Variants in ATP8B4 observed in about 807,000 individuals in gnomAD.
ATP8B4 encodes probable phospholipid-transporting ATPase IM.
In ATP8B4, 133 loss-of-function variants were observed where a neutral mutation model predicts 145.6. The observed-to-expected ratio is 0.91, with a 90% CI of 0.79 to 1.05. The LOEUF is 1.05. Ranked by LOEUF, ATP8B4 falls within the 50% of genes least tolerant of loss-of-function variation. The pLI is 0.00. For missense variants in ATP8B4, 1,458 were observed against 1,425.2 expected (o/e 1.02, Z -0.37); for synonymous variants, 507 against 492.9 (o/e 1.03, Z -0.38).
intron 13 of ATP8B4, among the ~76,000 whole-genome samples, chr15:49,968,277 A>G (rs1254768439): frequency 6.6e-6 from 1 of 152,270 alleles, no homozygotes; most frequent in Admixed American, 6.5e-5. Flanking sequence ...ACATAACAAT[A>G]TTAACCTTAA....
At chr15:50,129,690 G>C (rs554346568) in intron 1 of ATP8B4, among the ~76,000 whole-genome samples, 17 of 152,272 alleles carry the variant, frequency 1.1e-4, no homozygotes, top group Admixed American at 9.8e-4. Flanking sequence ...AATGCAAAAG[G>C]GGATTTTAAT....
chr15:50,069,764 A>T (rs1021297604), intron 3 of ATP8B4, among the ~76,000 whole-genome samples: 1 of 152,154 alleles, frequency 6.6e-6, no homozygotes, highest in African/African-American at 2.4e-5. Context: ...TCATGAAAAA[A>T]AATATAGGTT....
intron 6 of ATP8B4, among the ~76,000 whole-genome samples, chr15:50,027,052 T>C (rs116421952): frequency 1.8e-3 from 270 of 152,258 alleles, no homozygotes; most frequent in Middle Eastern, 0.01. Context: ...ACCATTCCAT[T>C]AGCTGTTCAA....
chr15:49,932,914 G>A (rs941237958), intron 15 of ATP8B4, among the ~76,000 whole-genome samples: 1 of 151,840 alleles, frequency 6.6e-6, no homozygotes, highest in Admixed American at 6.6e-5. Flanking sequence ...AATTGGAAGG[G>A]AAAAAAATAT....
rs569353325 is a variant in ATP8B4, at chr15:50,137,106, CAA to C, written c.-42-30100_-42-30099del. Reference sequence around the variant, plus strand: ...ATCAAGCACTGTGCAAGAGGCTTCTCAAATATATTAGTCACAGAATCAAGCAA... The same window carrying C: ...ATCAAGCACTGTGCAAGAGGCTTCTCATATATTAGTCACAGAATCAAGCAA... On this transcript the variant is annotated intron_variant, in intron 1 of 3. Coordinates refer to the ATP8B4 transcript ENST00000558829. Among the ~76,000 whole-genome samples, 361 of 152,234 alleles carry C rather than the reference CAA, an allele frequency of 2.4e-3. 2 individuals are homozygous for C. Among genetic ancestry groups the C allele is most frequent in the African/African-American group, 8.4e-3 (350 of 41,528 alleles).
intron 2 of ATP8B4, 64 bp downstream of exon 2, chr15:50,106,875 T>C (rs2056707981): frequency 2.7e-6 from 4 of 1,490,124 alleles, no homozygotes; most frequent in East Asian, 2.5e-5. Context: ...TAAACTTCCA[T>C]GAAAAAATTA....
Position 49,950,623 on chromosome 15 carries a change from A to C in ATP8B4, c.1287+11354T>G, listed in dbSNP as rs568919129. On this transcript the variant is annotated intron_variant, in intron 14 of 27. Transcript: ENST00000284509. ...AAAAACAAACAAACAAACAAACAAA[A>C]AAAACAACAACAACAACAAAAAACC... Among the ~76,000 whole-genome samples the C allele has an allele frequency of 9.0e-4, 125 of 138,588 alleles. 1 individual carries two copies. Among genetic ancestry groups the C allele is most frequent in the African/African-American group, 2.8e-3 (115 of 40,414 alleles). 90.9% of individuals were successfully genotyped at this position (138,588 alleles called of 152,430 possible).
Position 49,995,356 on chromosome 15 carries a change from C to T in ATP8B4, c.589+1321G>A, listed in dbSNP as rs552585039. On this transcript the variant is annotated intron_variant, in intron 9 of 27. Transcript: ENST00000284509. Reference sequence around the variant, plus strand: ...AAGCAAGTATTTTGATTCATGAACACAATTTACTTTTCTTGGATTCACATA... The same window carrying T: ...AAGCAAGTATTTTGATTCATGAACATAATTTACTTTTCTTGGATTCACATA... 7.2e-5 allele frequency among the ~76,000 whole-genome samples: 11 copies of T among 152,248 alleles called. 1 individual carries two copies. The South Asian group carries it at 8.3e-4, about 11-fold the overall frequency.
chr15:49,959,055 A>G (rs903863887), intron 14 of ATP8B4, among the ~76,000 whole-genome samples: 4 of 152,030 alleles, frequency 2.6e-5, no homozygotes, highest in Non-Finnish European at 4.4e-5. Flanking sequence ...ACAAAGATCA[A>G]TGTGCATATC....
chr15:50,157,982 C>T (rs935993659), intron 1 of ATP8B4, among the ~76,000 whole-genome samples: 1 of 152,214 alleles, frequency 6.6e-6, no homozygotes, highest in African/African-American at 2.4e-5. Context: ...GTCTCCAGCT[C>T]CTAACCGCAA....
chr15:50,062,052 C>G (rs2053064675), intron 3 of ATP8B4, among the ~76,000 whole-genome samples: 1 of 152,098 alleles, frequency 6.6e-6, no homozygotes, highest in Non-Finnish European at 1.5e-5. Flanking sequence ...GGGCTGAGAC[C>G]TTATACGTTT....
intron 13 of ATP8B4, among the ~76,000 whole-genome samples, chr15:49,970,190 C>T (rs2153519940): frequency 6.6e-6 from 1 of 152,174 alleles, no homozygotes; most frequent in African/African-American, 2.4e-5. Flanking sequence ...AAGCTGGAAG[C>T]ATTCCCTTTG....
intron 3 of ATP8B4, among the ~76,000 whole-genome samples, chr15:50,070,654 T>G (rs2053667209): frequency 6.6e-6 from 1 of 152,204 alleles, no homozygotes; most frequent in Non-Finnish European, 1.5e-5. Flanking sequence ...TCTGTAGTTT[T>G]CTTTCTCCAC....
rs2044095783 is a variant in ATP8B4, at chr15:49,961,710, A to AT, written c.1287+266dup. On this transcript the variant is annotated intron_variant, in intron 14 of 27. Coordinates refer to ENST00000284509, the MANE Select transcript of ATP8B4 (RefSeq NM_024837.4). ...TGTAAATTATGCTACCACCTATATA[A>AT]TTATTTTTCTCACTATGTAAAAGGT... 5.3e-5 allele frequency among the ~76,000 whole-genome samples: 8 copies of AT among 152,280 alleles called. No individual in the cohort carries two copies. In the South Asian group the frequency reaches 1.4e-3, roughly 28 times the overall value.
intron 5 of ATP8B4, among the ~76,000 whole-genome samples, chr15:50,042,226 T>G (rs1240433649): frequency 6.6e-6 from 1 of 151,830 alleles, no homozygotes; most frequent in Non-Finnish European, 1.5e-5. Context: ...AGGCTAGAAA[T>G]TTCATTAAGA....
intron 24 of ATP8B4, among the ~76,000 whole-genome samples, chr15:49,878,258 T>C (rs545643093): frequency 1.3e-3 from 197 of 152,352 alleles, no homozygotes; most frequent in Non-Finnish European, 2.0e-3. Context: ...GAGAAATGAA[T>C]GTGCTTAATC....
chr15:50,054,607 C>G (rs1460759242), intron 3 of ATP8B4, among the ~76,000 whole-genome samples: 1 of 151,830 alleles, frequency 6.6e-6, no homozygotes, highest in Non-Finnish European at 1.5e-5. Context: ...CATGGTGAAA[C>G]CCCATCTCTA....
chr15:50,056,455 C>A (rs1202280095), intron 3 of ATP8B4, among the ~76,000 whole-genome samples: 1 of 151,986 alleles, frequency 6.6e-6, no homozygotes, highest in Non-Finnish European at 1.5e-5. Context: ...AGCAAGAGCA[C>A]CTTGCCTGCC....
chr15:50,117,475 C>T (rs909281327), intron 1 of ATP8B4, among the ~76,000 whole-genome samples: 1 of 152,120 alleles, frequency 6.6e-6, no homozygotes, highest in Non-Finnish European at 1.5e-5. Flanking sequence ...ATAAAATTCT[C>T]CCACCCACAA....
Sources: gnomAD v4.1 joint callset for allele counts (sites outside exome capture counted in the v4.1 genomes callset) on GRCh38, gnomAD v4.1.1 for gene constraint, MANE v1.5 for transcripts, NCBI Gene and HGNC (gene_info 2026-07-23, HGNC 2026-07-21) for gene names.